MTA3: variants seen among roughly 807,000 people sequenced by gnomAD.
MTA3 encodes the protein metastasis associated 1 family member 3.
In MTA3, 34 loss-of-function variants were observed where a neutral mutation model predicts 83.5. That is an observed-to-expected ratio of 0.41 (90% CI 0.31 to 0.54). The LOEUF (loss-of-function observed/expected upper bound fraction) is 0.54. MTA3 is among the 20% of genes least tolerant of loss of function. The pLI is 0.33. For missense variants in MTA3, 761 were observed against 726.4 expected (o/e 1.05, Z -0.55); for synonymous variants, 303 against 252.7 (o/e 1.20, Z -1.89).
rs1438694716 is a variant in MTA3, at chr2:42,638,552, A to G, written c.318-1621A>G. Among the ~76,000 whole-genome samples, 2 of 151,826 alleles carry G rather than the reference A, an allele frequency of 1.3e-5. 1 individual carries two copies. The highest frequency in any genetic ancestry group is 4.8e-5 in the African/African-American group (2 of 41,308). ...GCTTATTTTATTTTTTTTAATTTTCAGTAGAGTTGAGATCTTGCTGTGTAG... is the reference window on the plus strand; with the variant it reads ...GCTTATTTTATTTTTTTTAATTTTCGGTAGAGTTGAGATCTTGCTGTGTAG... On this transcript the variant is annotated intron_variant, in intron 4 of 16. Transcript: ENST00000405094.
chr2:42,718,095 T>C (rs1573743945), intron 14 of MTA3, among the ~76,000 whole-genome samples: 1 of 20,200 alleles, frequency 5.0e-5, no homozygotes, highest in Non-Finnish European at 8.1e-5. Context: ...CTCTGGTACC[T>C]TTTTTTTTTT....
chr2:42,722,204 G>C (rs1227864077), intron 15 of MTA3, among the ~76,000 whole-genome samples: 1 of 152,166 alleles, frequency 6.6e-6, no homozygotes, highest in South Asian at 2.1e-4. Context: ...TACAGTTTCT[G>C]TCCATCTACA....
Position 42,736,922 on chromosome 2 carries a change from G to A in MTA3, c.1759+13887G>A, listed in dbSNP as rs115587233. Among the ~76,000 whole-genome samples, 806 of 151,510 alleles carry A rather than the reference G, an allele frequency of 5.3e-3. 10 individuals are homozygous for A. Among genetic ancestry groups the A allele is most frequent in the African/African-American group, 0.018 (763 of 41,502 alleles). ...TGAAGTGTGTTTTCAAATGTCATCT[G>A]GGAGTTAGGGCCTGGAATGGGGGCC... On this transcript the variant is annotated intron_variant, in intron 16 of 16. Coordinates refer to ENST00000405094, the MANE Select transcript of MTA3 (RefSeq NM_001330442.2).
intron 4 of MTA3, among the ~76,000 whole-genome samples, chr2:42,626,152 C>T (rs1450537991): frequency 6.6e-6 from 1 of 151,096 alleles, no homozygotes; most frequent in Non-Finnish European, 1.5e-5. Context: ...ACAGTGTTAG[C>T]CAGGATGGTC....
intron 16 of MTA3, among the ~76,000 whole-genome samples, chr2:42,730,749 TA>T (rs1407786321): frequency 1.3e-5 from 2 of 152,220 alleles, no homozygotes; most frequent in Non-Finnish European, 2.9e-5. Context: ...CTTTCTCCTT[TA>T]TTTTTTGGAG....
chr2:42,753,413 C>A lies in MTA3; in HGVS notation c.*14C>A, dbSNP rs62144352. On this transcript the variant is annotated 3_prime_UTR_variant, in exon 17 of 17. Coordinates refer to ENST00000405094, the MANE Select transcript of MTA3 (RefSeq NM_001330442.2). ...GTGTCAGACTGAGCTTTCCCTGATTCATTCTACAATCCAAGACTTGCTGCA... is the reference window on the plus strand; with the variant it reads ...GTGTCAGACTGAGCTTTCCCTGATTAATTCTACAATCCAAGACTTGCTGCA... 1 of 1,550,586 alleles carries A rather than the reference C, an allele frequency of 6.4e-7. No individual in the cohort carries two copies. The highest frequency in any genetic ancestry group is 8.7e-7 in the Non-Finnish European group (1 of 1,146,970).
chr2:42,629,028 G>A (rs2104243564), intron 4 of MTA3, among the ~76,000 whole-genome samples: 1 of 152,232 alleles, frequency 6.6e-6, no homozygotes, highest in East Asian at 1.9e-4. Context: ...TATCCAGTTT[G>A]GTTAAATGCT....
chr2:42,560,610 C>T (rs1306550973), intron 2 of MTA3, among the ~76,000 whole-genome samples: 7 of 150,946 alleles, frequency 4.6e-5, no homozygotes. Flanking sequence ...CACACACACA[C>T]TCAAAACCCC....
intron 3 of MTA3, among the ~76,000 whole-genome samples, chr2:42,606,439 C>G (rs1003244794): frequency 2.0e-4 from 29 of 147,952 alleles, no homozygotes; most frequent in African/African-American, 6.8e-4. Context: ...GGGGCAGAGG[C>G]GCTCCCCACA....
At chr2:42,744,515 T>G (rs1168631426) in intron 16 of MTA3, among the ~76,000 whole-genome samples, 3 of 152,176 alleles carry the variant, frequency 2.0e-5, no homozygotes, top group Non-Finnish European at 4.4e-5. Flanking sequence ...ACGATCTTTT[T>G]AAATTAACCT....
At chr2:42,665,999 C>T (rs7586943) in intron 8 of MTA3, among the ~76,000 whole-genome samples, 116,387 of 152,182 alleles carry the variant, frequency 0.76, 45,094 homozygotes, top group African/African-American at 0.88. Context: ...AACTGTTGGC[C>T]AGGTGCCGTG....
chr2:42,524,480 T>G (rs1281402310), intron 2 of MTA3, among the ~76,000 whole-genome samples: 4 of 115,418 alleles, frequency 3.5e-5, no homozygotes, highest in African/African-American at 1.0e-4. Flanking sequence ...GTGTTTTTTT[T>G]TTTTTTTTTT....
intron 16 of MTA3, among the ~76,000 whole-genome samples, chr2:42,743,881 A>AGG (rs1669218311): frequency 6.6e-6 from 1 of 152,192 alleles, no homozygotes; most frequent in Non-Finnish European, 1.5e-5. Flanking sequence ...TGGCACTCCT[A>AGG]GGCATGCTTA....
intron 4 of MTA3, among the ~76,000 whole-genome samples, chr2:42,618,604 A>T (rs1488996486): frequency 6.6e-6 from 1 of 151,966 alleles, no homozygotes; most frequent in Admixed American, 6.6e-5. Flanking sequence ...TATATCATTA[A>T]TGCATTTTTT....
intron 3 of MTA3, among the ~76,000 whole-genome samples, chr2:42,603,112 T>A (rs1172690332): frequency 6.6e-6 from 1 of 151,126 alleles, no homozygotes; most frequent in East Asian, 1.9e-4. Context: ...ATTTACTTTT[T>A]TTTTTTTTTT....
chr2:42,710,549 CAAAAAAAA>C (rs765315082), intron 14 of MTA3, among the ~76,000 whole-genome samples: 11 of 61,064 alleles, frequency 1.8e-4, no homozygotes, highest in Admixed American at 3.7e-4. Context: ...AACTTCATCT[CAAAAAAAA>C]AAAAAAAAAA....
Position 42,711,070 on chromosome 2 carries a change from G to A in MTA3, c.1525+1974G>A, listed in dbSNP as rs1255873201. ...CTCCAGCCTGGGCAACACAGACTCC[G>A]CATTAAAAAATAAATAAATAAATAA... is the stretch of plus-strand genomic sequence containing the variant. On this transcript the variant is annotated intron_variant, in intron 14 of 16. Coordinates refer to ENST00000405094, the MANE Select transcript of MTA3 (RefSeq NM_001330442.2). 4.0e-5 allele frequency among the ~76,000 whole-genome samples: 6 copies of A among 149,780 alleles called. No homozygotes were observed. In the South Asian group the frequency reaches 6.5e-4, roughly 16 times the overall value.
chr2:42,547,908 A>G (rs529550462), intron 2 of MTA3, among the ~76,000 whole-genome samples: 2 of 151,096 alleles, frequency 1.3e-5, no homozygotes, highest in South Asian at 2.1e-4. Context: ...TAGGTTTTCA[A>G]TCTTGTCTAT....
At chr2:42,547,774 CAAAT>C (rs1323244493) in intron 2 of MTA3, among the ~76,000 whole-genome samples, 1 of 152,178 alleles carries the variant, frequency 6.6e-6, no homozygotes, top group Non-Finnish European at 1.5e-5. Context: ...CACGAGGACT[CAAAT>C]AAAGAAGTAC....
Sources: gnomAD v4.1 joint callset for allele counts (sites outside exome capture counted in the v4.1 genomes callset) on GRCh38, gnomAD v4.1.1 for gene constraint, MANE v1.5 for transcripts, NCBI Gene and HGNC (gene_info 2026-07-23, HGNC 2026-07-21) for gene names.